PRKN: variants seen among roughly 807,000 people sequenced by gnomAD.
The protein encoded by PRKN is parkin RBR E3 ubiquitin protein ligase, also known as E3 ubiquitin-protein ligase parkin.
Under a neutral mutation model 59.5 loss-of-function variants are expected in PRKN, and 56 were observed. The observed-to-expected ratio is 0.94, with a 90% CI of 0.76 to 1.18. The LOEUF (loss-of-function observed/expected upper bound fraction) is 1.18, where lower values mean the gene tolerates loss of function less well. PRKN is among the 50% of genes most tolerant of loss of function. The pLI is 0.00. For missense variants in PRKN, 657 were observed against 596.4 expected, an observed-to-expected ratio of 1.10 and a Z score of -1.06; for synonymous variants, 250 against 222.1, an observed-to-expected ratio of 1.13 and a Z score of -1.12.
At chr6:162,586,638 C>T (rs757618936) in intron 1 of PRKN, among the ~76,000 whole-genome samples, 3 of 152,098 alleles carry the variant, frequency 2.0e-5, no homozygotes, top group Non-Finnish European at 2.9e-5. Flanking sequence ...TAAGCCGGTT[C>T]GTAATTTGAC....
intron 5 of PRKN, among the ~76,000 whole-genome samples, chr6:162,030,226 A>G (rs1185890812): frequency 6.6e-6 from 1 of 152,062 alleles, no homozygotes. Flanking sequence ...CCCTACAACT[A>G]ATAATGCCAC....
rs577019603 is a variant in PRKN, at chr6:162,051,489, G to A, written c.618+2602C>T. ...AGATGGTCTTAGGGCTGCTGTGCACGCGCCTCCGCATCCTCGTTCAGGAAC... is the reference window on the plus strand; with the variant it reads ...AGATGGTCTTAGGGCTGCTGTGCACACGCCTCCGCATCCTCGTTCAGGAAC... On this transcript the variant is annotated intron_variant, in intron 5 of 11. Transcript: ENST00000366898. Among the ~76,000 whole-genome samples, 293 of 152,290 alleles carry A rather than the reference G, an allele frequency of 1.9e-3. 2 individuals are homozygous for A. The highest frequency in any genetic ancestry group is 6.9e-3 in the African/African-American group (288 of 41,574).
chr6:162,444,097 G>T (rs530243211), intron 1 of PRKN, among the ~76,000 whole-genome samples: 2 of 152,030 alleles, frequency 1.3e-5, no homozygotes, highest in Admixed American at 1.3e-4. Flanking sequence ...ACTGTTCCCC[G>T]TGAGACCCAG....
chr6:162,063,889 A>G (rs1778213502), intron 4 of PRKN, among the ~76,000 whole-genome samples: 1 of 151,510 alleles, frequency 6.6e-6, no homozygotes. Flanking sequence ...ACTATGACTC[A>G]GCACTTTCAC....
rs1442577700 is a variant in PRKN, at chr6:161,620,109, C to A, written c.872-50693G>T. On this transcript the variant is annotated intron_variant, in intron 7 of 11. Coordinates refer to ENST00000366898, the MANE Select transcript of PRKN (RefSeq NM_004562.3). ...AATTTGAACGATTCTCCTGCCTCAG[C>A]CTCCTGAAGTACCTGGGACTACAGG... Among the ~76,000 whole-genome samples the A allele has an allele frequency of 4.7e-5, 7 of 150,402 alleles. No individual in the cohort carries two copies. In the East Asian group the frequency reaches 1.4e-3, roughly 29 times the overall value.
At chr6:161,816,593 G>A (rs1362195733) in intron 6 of PRKN, among the ~76,000 whole-genome samples, 1 of 152,064 alleles carries the variant, frequency 6.6e-6, no homozygotes, top group East Asian at 1.9e-4. Context: ...ATTTTCATAT[G>A]TGGCTGTCTT....
At chr6:162,692,997 C>T (rs1777837484) in intron 1 of PRKN, among the ~76,000 whole-genome samples, 1 of 152,028 alleles carries the variant, frequency 6.6e-6, no homozygotes, top group Non-Finnish European at 1.5e-5. Flanking sequence ...AAATCAGCCT[C>T]CAGATTTCAG....
At chr6:161,595,184 G>A (rs940943109) in intron 7 of PRKN, among the ~76,000 whole-genome samples, 4 of 152,108 alleles carry the variant, frequency 2.6e-5, no homozygotes, top group African/African-American at 9.7e-5. Context: ...ACAAATTCTT[G>A]CACCCATGTA....
At chr6:161,511,389 G>A (rs1017208982) in intron 9 of PRKN, among the ~76,000 whole-genome samples, 8 of 152,126 alleles carry the variant, frequency 5.3e-5, no homozygotes, top group African/African-American at 1.4e-4. Context: ...CCTTCCAATA[G>A]AATATAAACC....
At chr6:162,485,100 T>C (rs544509477) in intron 1 of PRKN, among the ~76,000 whole-genome samples, 2 of 152,316 alleles carry the variant, frequency 1.3e-5, no homozygotes, top group South Asian at 4.1e-4. Flanking sequence ...TTGTAGTACT[T>C]ACACAAGTGT....
intron 7 of PRKN, among the ~76,000 whole-genome samples, chr6:161,608,162 C>T (rs1384404266): frequency 6.6e-6 from 1 of 152,044 alleles, no homozygotes; most frequent in Non-Finnish European, 1.5e-5. Flanking sequence ...GAATGCATGT[C>T]TCCAATTGGA....
intron 2 of PRKN, among the ~76,000 whole-genome samples, chr6:162,286,695 C>G (rs534667920): frequency 6.6e-6 from 1 of 152,298 alleles, no homozygotes; most frequent in East Asian, 1.9e-4. Flanking sequence ...TCATTAGGAA[C>G]ATAAGTACCT....
intron 6 of PRKN, among the ~76,000 whole-genome samples, chr6:161,920,806 G>A (rs1030327035): frequency 6.6e-5 from 10 of 150,734 alleles, no homozygotes; most frequent in South Asian, 2.1e-4. Context: ...AAAAAGAAAC[G>A]TACCCCTGAA....
At chr6:161,517,911 G>A (rs2115350755) in intron 9 of PRKN, among the ~76,000 whole-genome samples, 1 of 152,160 alleles carries the variant, frequency 6.6e-6, no homozygotes, top group African/African-American at 2.4e-5. Context: ...AGGGTACCTG[G>A]GACCTTTCTG....
At chr6:162,052,704 T>C (rs1040647410) in intron 5 of PRKN, among the ~76,000 whole-genome samples, 1 of 152,130 alleles carries the variant, frequency 6.6e-6, no homozygotes, top group African/African-American at 2.4e-5. Context: ...GTTTGAGTTA[T>C]AGATATAACT....
rs1222120656 is a variant in PRKN at position 161,566,048 on chromosome 6, T to C, written c.933+3307A>G. The stretch of plus-strand genomic sequence containing the variant: ...CTACTGAATCATTACCATCAGTACA[T>C]AGACATGCTGCAATTTTTCCCATTA... On this transcript the variant is annotated intron_variant, in intron 8 of 11. Transcript: ENST00000366898. This position sits in a 1 kb window ranked among gnomAD's most constrained non-coding sequence, Gnocchi z 4.1. 6.6e-6 allele frequency among the ~76,000 whole-genome samples: 1 copy of C among 152,212 alleles called. No homozygotes were observed. The highest frequency in any genetic ancestry group is 1.5e-5 in the Non-Finnish European group (1 of 68,044).
chr6:162,178,946 G>A (rs758984642), intron 4 of PRKN, among the ~76,000 whole-genome samples: 3 of 152,074 alleles, frequency 2.0e-5, no homozygotes, highest in Admixed American at 6.5e-5. Context: ...ATCACAGCTC[G>A]CAGCAGCCTC....
At chr6:162,396,998 T>C (rs1466642324) in intron 2 of PRKN, among the ~76,000 whole-genome samples, 1 of 152,146 alleles carries the variant, frequency 6.6e-6, no homozygotes, top group Non-Finnish European at 1.5e-5. Flanking sequence ...TTAGTTCCCA[T>C]GGCCATAGTG....
In PRKN at chr6:162,163,626, T is replaced by G. The variant is rs775380579; in HGVS notation, c.534+37505A>C. Among the ~76,000 whole-genome samples the G allele has an allele frequency of 2.9e-4, 43 of 149,186 alleles. 2 individuals carry two copies. Among genetic ancestry groups the G allele is most frequent in the Non-Finnish European group, 6.1e-4 (41 of 67,458 alleles). On this transcript the variant is annotated intron_variant, in intron 4 of 11. Transcript: ENST00000366898. ...AAATCATTCTTCTAAAAAATAGTTT[T>G]AAGCAGAACAATGATCTAGAAAAGG...
Sources: gnomAD v4.1 joint callset for allele counts (sites outside exome capture counted in the v4.1 genomes callset) on GRCh38, gnomAD v4.1.1 for gene constraint, Gnocchi (gnomAD v3.1) non-coding constraint, MANE v1.5 for transcripts, NCBI Gene and HGNC (gene_info 2026-07-23, HGNC 2026-07-21) for gene names.